CD1B: variants seen among roughly 807,000 people sequenced by gnomAD.
The protein encoded by CD1B is CD1b molecule, also known as T-cell surface glycoprotein CD1b.
CD1B carries 43 observed loss-of-function variants against 39.8 expected under a neutral mutation model. That is an observed-to-expected ratio of 1.08 (90% CI 0.85 to 1.39). CD1B has a LOEUF of 1.39. Among genes scored for constraint, CD1B ranks in the 40% most tolerant of loss-of-function variants. The pLI is 0.00. For synonymous variants in CD1B, 192 were observed against 152.5 expected, an observed-to-expected ratio of 1.26 and a Z score of -1.91; for missense variants, 495 against 403.8, an observed-to-expected ratio of 1.23 and a Z score of -1.94.
At chr1:158,325,582 A>T (rs532336923), downstream of CD1B, among the ~76,000 whole-genome samples, 2 of 152,142 alleles carry the variant, frequency 1.3e-5, no homozygotes, top group Non-Finnish European at 2.9e-5. Context: ...TTTAATTATT[A>T]GTTTATTAGT....
chr1:158,331,373 G>A lies in CD1B; in HGVS notation c.51C>T (p.Asn17=). The part of the protein sequence containing the change: ...QLLAVLFPGG[N]SEHAFQGPTS... ...CAGAGTGACTCTTACCATGTTCACTGTTACCACCAGGAAAGAGAACAGCTA... is the reference window on the plus strand; with the variant it reads ...CAGAGTGACTCTTACCATGTTCACTATTACCACCAGGAAAGAGAACAGCTA... Residue 17 remains asparagine (N), a synonymous_variant, in exon 1 of 6, where the codon AAC becomes AAT. Transcript: ENST00000368168. 6.2e-7 allele frequency: 1 copy of A among 1,613,952 alleles called. No individual in the cohort carries two copies. Among genetic ancestry groups the A allele is most frequent in the Non-Finnish European group, 8.5e-7 (1 of 1,179,818 alleles).
At chr1:158,331,236 G>T (rs1356063993) in intron 1 of CD1B, 127 bp downstream of exon 1, 2 of 1,080,428 alleles carry the variant, frequency 1.9e-6, no homozygotes, top group Non-Finnish European at 1.4e-6. Context: ...CCACCAGAAT[G>T]GTTGAAGAGG....
At chr1:158,312,650 A>C in the CD1B span, among the ~76,000 whole-genome samples, 1 of 151,890 alleles carries the variant, frequency 6.6e-6, no homozygotes, top group South Asian at 2.1e-4. Context: ...TTTATTTTTC[A>C]GATATTTTGA....
Position 158,331,439 on chromosome 1 carries a change from A to C in CD1B, c.-16T>G. 1 of 1,609,220 alleles carries C rather than the reference A, an allele frequency of 6.2e-7. No homozygotes were observed. Among genetic ancestry groups the C allele is most frequent in the Non-Finnish European group, 8.5e-7 (1 of 1,175,706 alleles). ...GCAGCAGCATTTCACTGGGAGATGC[A>C]ACTTCTTACTGGCAGAGCTGGTATT... On this transcript the variant is annotated 5_prime_UTR_variant, in exon 1 of 6. Coordinates refer to ENST00000368168, the MANE Select transcript of CD1B (RefSeq NM_001764.3).
chr1:158,328,799 GA>G (rs1652461269), intron 5 of CD1B, 121 bp downstream of exon 5: 1 of 683,606 alleles, frequency 1.5e-6, no homozygotes, highest in Admixed American at 3.2e-5. Flanking sequence ...GGAGTTTGGG[GA>G]AAGGATATGG....
the CD1B span, among the ~76,000 whole-genome samples, chr1:158,312,476 C>T: frequency 0.012 from 1,881 of 152,168 alleles, 38 homozygotes; most frequent in African/African-American, 0.04. Context: ...ATTAGCAGGA[C>T]GAAAATGAAC....
At chr1:158,292,785 T>C in the CD1B span, 31 of 1,614,018 alleles carry the variant, frequency 1.9e-5, no homozygotes, top group Non-Finnish European at 2.4e-5. Flanking sequence ...CTTCAGGTGA[T>C]CCTGGAGGTG....
At chr1:158,299,667 T>C in the CD1B span, among the ~76,000 whole-genome samples, 35 of 152,330 alleles carry the variant, frequency 2.3e-4, no homozygotes, top group East Asian at 3.3e-3. Context: ...TTTCAGAGCC[T>C]GTTATTGGTC....
rs375087573 is a variant in CD1B, at chr1:158,329,395, C to G, written c.861G>C (p.Glu287Asp). 5.0e-6 allele frequency: 8 copies of G among 1,614,094 alleles called. No homozygotes were observed. Among genetic ancestry groups the G allele is most frequent in the Non-Finnish European group, 6.8e-6 (8 of 1,179,982 alleles). ...LSCRVKHSSL[E>D]GQDIILYWRN... The stretch of plus-strand genomic sequence containing the variant: ...TCCAGTAGAGGATGATGTCCTGGCC[C>G]TCTAAACTGCTGTGCTTCACCCGAC... Residue 287 changes from glutamate to aspartate, a missense_variant, in exon 4 of 6, where the codon GAG becomes GAC. Transcript: ENST00000368168.
At chr1:158,304,858 A>G in the CD1B span, among the ~76,000 whole-genome samples, 2 of 152,234 alleles carry the variant, frequency 1.3e-5, no homozygotes, top group Non-Finnish European at 1.5e-5. Flanking sequence ...AAACTCCAAC[A>G]GACCTGCTGC....
chr1:158,328,789 G>A (rs1652461138), intron 5 of CD1B, 132 bp downstream of exon 5: 1 of 641,256 alleles, frequency 1.6e-6, no homozygotes, highest in Non-Finnish European at 2.7e-6. Context: ...AAAACGAATG[G>A]GAGTTTGGGG....
the CD1B span, among the ~76,000 whole-genome samples, chr1:158,296,296 G>A: frequency 6.6e-6 from 1 of 152,084 alleles, no homozygotes; most frequent in Non-Finnish European, 1.5e-5. Context: ...CTGGTCCCAG[G>A]CCCTCAGTCT....
chr1:158,293,243 G>C, the CD1B span: 4 of 1,614,064 alleles, frequency 2.5e-6, no homozygotes, highest in East Asian at 4.5e-5. Flanking sequence ...GGATTGCCTT[G>C]GTAGTGATAG....
the CD1B span, among the ~76,000 whole-genome samples, chr1:158,307,164 C>A: frequency 2.2e-3 from 342 of 152,004 alleles, 2 homozygotes; most frequent in African/African-American, 8.1e-3. Context: ...AAAAGATCAA[C>A]AAAATTGACA....
At chr1:158,330,681 G>C (rs777332892) in intron 2 of CD1B, 115 bp downstream of exon 2, 1 of 1,000,346 alleles carries the variant, frequency 1.0e-6, no homozygotes, top group Non-Finnish European at 1.6e-6. Context: ...AAGCATGTGC[G>C]TGCATTTGGG....
At chr1:158,321,606 T>A in the CD1B span, among the ~76,000 whole-genome samples, 1 of 152,216 alleles carries the variant, frequency 6.6e-6, no homozygotes, top group Non-Finnish European at 1.5e-5. Flanking sequence ...TCTTGCTATA[T>A]CCTTTTGTGG....
At chr1:158,285,714 C>T in the CD1B span, among the ~76,000 whole-genome samples, 1 of 152,130 alleles carries the variant, frequency 6.6e-6, no homozygotes, top group Non-Finnish European at 1.5e-5. Context: ...ATTAGTGCTT[C>T]TAGTAAGTGG....
At chr1:158,321,368 C>G in the CD1B span, among the ~76,000 whole-genome samples, 1 of 152,072 alleles carries the variant, frequency 6.6e-6, no homozygotes, top group African/African-American at 2.4e-5. Flanking sequence ...ATATCTTTTT[C>G]TATCCCTTCA....
At chr1:158,315,971 T>C in the CD1B span, among the ~76,000 whole-genome samples, 3 of 152,020 alleles carry the variant, frequency 2.0e-5, no homozygotes, top group African/African-American at 7.3e-5. Context: ...TAGTTGTAGA[T>C]ATGTGGCATT....
Sources: allele counts gnomAD v4.1 joint callset (sites outside exome capture counted in the v4.1 genomes callset), GRCh38; gene constraint gnomAD v4.1.1; transcripts MANE v1.5; gene names NCBI Gene and HGNC (gene_info 2026-07-23, HGNC 2026-07-21).